RTN4RL1: variants seen among roughly 807,000 people sequenced by gnomAD.
RTN4RL1 encodes reticulon 4 receptor like 1.
RTN4RL1 carries 7 observed loss-of-function variants against 25.6 expected under a neutral mutation model. The observed-to-expected ratio is 0.27, with a 90% CI of 0.16 to 0.51. The LOEUF is 0.51. RTN4RL1 is among the 20% of genes least tolerant of loss of function. RTN4RL1 has a pLI of 0.97. For missense variants in RTN4RL1, 500 were observed against 615.6 expected (o/e 0.81, Z 1.99); for synonymous variants, 297 against 288.2 (o/e 1.03, Z -0.31).
intron 1 of RTN4RL1, among the ~76,000 whole-genome samples, chr17:1,969,920 G>A (rs544421211): frequency 6.6e-6 from 1 of 152,048 alleles, no homozygotes; most frequent in Non-Finnish European, 1.5e-5. Context: ...CAGTCAGATG[G>A]TGGCAGGGGC....
chr17:2,024,523 G>A (rs2067248653), intron 1 of RTN4RL1, among the ~76,000 whole-genome samples: 1 of 152,154 alleles, frequency 6.6e-6, no homozygotes, highest in South Asian at 2.1e-4. Context: ...GAGGCTGCAA[G>A]TGCAAAACTT....
intron 1 of RTN4RL1, among the ~76,000 whole-genome samples, chr17:1,939,329 G>A (rs1310542986): frequency 2.0e-5 from 3 of 151,470 alleles, no homozygotes; most frequent in East Asian, 1.9e-4. Context: ...CTCCAGCCTG[G>A]GCGACAGAGC....
At chr17:1,986,108 G>T (rs2066886187) in intron 1 of RTN4RL1, among the ~76,000 whole-genome samples, 1 of 152,022 alleles carries the variant, frequency 6.6e-6, no homozygotes. Flanking sequence ...AGGCCCGTTG[G>T]TGGAAGAGAG....
chr17:1,977,170 A>C (rs2066845828), intron 1 of RTN4RL1, among the ~76,000 whole-genome samples: 1 of 152,240 alleles, frequency 6.6e-6, no homozygotes, highest in Non-Finnish European at 1.5e-5. Context: ...AAAATGGGTC[A>C]ATCTACGGAA....
At position 2,015,761 on chromosome 17, in the gene RTN4RL1, G is replaced by A. The variant is rs75215015; in HGVS notation, c.13+9092C>T. Among the ~76,000 whole-genome samples the A allele has an allele frequency of 4.2e-4, 63 of 148,908 alleles. No homozygotes were observed. The East Asian group carries it at 0.011, about 25-fold the overall frequency. ...GTGTGGACAACCCCTTCCTTGATCC[G>A]GGCAGAGAGAGCCGAGCGGCCGCAA... On this transcript the variant is annotated intron_variant, in intron 1 of 1. Transcript: ENST00000331238.
chr17:1,988,749 C>T (rs1220508655), intron 1 of RTN4RL1, among the ~76,000 whole-genome samples: 2 of 151,950 alleles, frequency 1.3e-5, no homozygotes, highest in African/African-American at 4.8e-5. Flanking sequence ...GGACCACTTC[C>T]CAAGGAAGCA....
In RTN4RL1 at chr17:1,981,806, A is replaced by C. The variant is rs550807922; in HGVS notation, c.13+43047T>G. ...AAGCACAGTCATGCATCACTTAATG[A>C]CAGGGTGTGTTCTGAGAAATGTATC... is the stretch of plus-strand genomic sequence containing the variant. On this transcript the variant is annotated intron_variant, in intron 1 of 1. Coordinates refer to ENST00000331238, the MANE Select transcript of RTN4RL1 (RefSeq NM_178568.4). Among the ~76,000 whole-genome samples the C allele has an allele frequency of 3.1e-4, 47 of 152,366 alleles. 1 individual carries two copies. In the South Asian group the frequency reaches 9.7e-3, roughly 32 times the overall value.
chr17:1,953,916 C>T (rs544244015), intron 1 of RTN4RL1, among the ~76,000 whole-genome samples: 80 of 152,314 alleles, frequency 5.3e-4, no homozygotes, highest in African/African-American at 1.9e-3. Flanking sequence ...TGTTCTACCT[C>T]CTGCCTCTGG....
chr17:1,943,068 G>A (rs1172909606), intron 1 of RTN4RL1, among the ~76,000 whole-genome samples: 2 of 152,114 alleles, frequency 1.3e-5, no homozygotes, highest in Non-Finnish European at 1.5e-5. Context: ...GCCACAGCTG[G>A]TCATTGTGGA....
intron 1 of RTN4RL1, among the ~76,000 whole-genome samples, chr17:1,982,630 AAAG>A (rs1438161579): frequency 6.6e-6 from 1 of 151,902 alleles, no homozygotes; most frequent in Non-Finnish European, 1.5e-5. Context: ...AAAGAAAAGA[AAAG>A]AAAAGAAAAG....
chr17:1,998,024 G>C lies in RTN4RL1; in HGVS notation c.13+26829C>G, dbSNP rs1385334892. 1.3e-5 allele frequency among the ~76,000 whole-genome samples: 2 copies of C among 152,106 alleles called. No homozygotes were observed. The highest frequency in any genetic ancestry group is 4.1e-4 in the South Asian group (2 of 4,822). ...AGCGATGTCCCCCTCAGGGTGCCGG[G>C]CGCCCCACCCCCACCCCCGCCTCCG... On this transcript the variant is annotated intron_variant, in intron 1 of 1. Transcript: ENST00000331238. This position sits in a 1 kb window ranked among gnomAD's most constrained non-coding sequence, Gnocchi z 4.9.
chr17:1,964,016 G>A (rs187155667), intron 1 of RTN4RL1, among the ~76,000 whole-genome samples: 11 of 152,240 alleles, frequency 7.2e-5, no homozygotes, highest in Admixed American at 2.0e-4. Context: ...GTGAGCCACC[G>A]CGCCGGGCCT....
chr17:1,954,580 G>T (rs568482695), intron 1 of RTN4RL1, among the ~76,000 whole-genome samples: 1 of 152,012 alleles, frequency 6.6e-6, no homozygotes, highest in African/African-American at 2.4e-5. Context: ...TAGAGACGGG[G>T]TTTCACCATG....
At chr17:1,948,639 A>T (rs1915611609) in intron 1 of RTN4RL1, among the ~76,000 whole-genome samples, 2 of 152,126 alleles carry the variant, frequency 1.3e-5, no homozygotes, top group Admixed American at 6.6e-5. Flanking sequence ...GGGCCCACCA[A>T]GTCCTCAGTG....
rs748509266 is a variant in RTN4RL1 at position 1,937,647 on chromosome 17, C to T, written c.175G>A (p.Val59Ile). The change falls in exon 2 of 2, where the codon GTC becomes ATC. Residue 59 changes from valine (V) to isoleucine (I), a missense_variant. Val to Ile is a conservative substitution (Grantham distance 29). Coordinates refer to ENST00000331238, the MANE Select transcript of RTN4RL1 (RefSeq NM_178568.4). The part of the protein sequence containing the change: ...PEGIPVDSER[V>I]FLQNNRIGLL... ...CCGATGCGGTTGTTCTGCAGGAAGA[C>T]GCGCTCGCTGTCCACGGGGATGCCC... 3.7e-5 allele frequency: 59 copies of T among 1,613,768 alleles called. 1 individual carries two copies. Among genetic ancestry groups the T allele is most frequent in the Admixed American group, 1.2e-4 (7 of 59,988 alleles).
At chr17:1,962,771 G>A (rs1190130983) in intron 1 of RTN4RL1, among the ~76,000 whole-genome samples, 1 of 149,674 alleles carries the variant, frequency 6.7e-6, no homozygotes, top group African/African-American at 2.5e-5. Flanking sequence ...GCTGAGGTAA[G>A]AGAATAGCTT....
intron 1 of RTN4RL1, among the ~76,000 whole-genome samples, chr17:1,943,857 G>A (rs891234612): frequency 2.0e-5 from 3 of 152,220 alleles, no homozygotes; most frequent in African/African-American, 7.2e-5. Flanking sequence ...AGGATGGGCA[G>A]GGGCTCCTTG....
rs747533348 is a variant in RTN4RL1 at position 1,936,706 on chromosome 17, T to A, written c.1116A>T (p.Lys372Asn). 2 of 1,583,182 alleles carry A rather than the reference T, an allele frequency of 1.3e-6. No individual in the cohort carries two copies. Among genetic ancestry groups the A allele is most frequent in the South Asian group, 2.3e-5 (2 of 85,670 alleles). ...RNQISKAGAG[K>N]QAPELPDYAP... ...CATAGTCTGGCAGCTCGGGGGCCTG[T>A]TTCCCGGCGCCCGCCTTAGAGATCT... Residue 372 changes from lysine to asparagine, a missense_variant, in exon 2 of 2, where the codon AAA (lysine) becomes AAT (asparagine). Coordinates refer to ENST00000331238, the MANE Select transcript of RTN4RL1 (RefSeq NM_178568.4).
intron 1 of RTN4RL1, among the ~76,000 whole-genome samples, chr17:1,958,707 T>C (rs1480989556): frequency 6.6e-6 from 1 of 152,252 alleles, no homozygotes; most frequent in Non-Finnish European, 1.5e-5. Context: ...GGCAGGCAGC[T>C]GGCAGCAGCG....
Sources: gnomAD v4.1 joint callset for allele counts (sites outside exome capture counted in the v4.1 genomes callset) on GRCh38, gnomAD v4.1.1 for gene constraint, Gnocchi (gnomAD v3.1) non-coding constraint, MANE v1.5 for transcripts, NCBI Gene and HGNC (gene_info 2026-07-23, HGNC 2026-07-21) for gene names.